Variants in TMEM131 observed in about 807,000 individuals in gnomAD.
TMEM131 encodes the protein transmembrane protein 131, also known as 2610524E03Rik.
TMEM131 carries 66 observed loss-of-function variants against 211.6 expected under a neutral mutation model. That is an observed-to-expected ratio of 0.31 (90% CI 0.26 to 0.38). The LOEUF (loss-of-function observed/expected upper bound fraction) is 0.38. Ranked by LOEUF, TMEM131 falls within the 10% of genes least tolerant of loss-of-function variation. The probability of loss-of-function intolerance (pLI) is 1.00; values close to 1 mark genes in which losing one functional copy is unlikely to be tolerated. For missense variants in TMEM131, 2,036 were observed against 2,299.3 expected (o/e 0.89, Z 2.34); for synonymous variants, 844 against 841.3 (o/e 1.00, Z -0.06).
intron 7 of TMEM131, among the ~76,000 whole-genome samples, chr2:97,837,715 C>G (rs1246478655): frequency 6.6e-6 from 1 of 152,110 alleles, no homozygotes; most frequent in Non-Finnish European, 1.5e-5. Flanking sequence ...TTTTTTTAAA[C>G]AGCTTTATTG....
chr2:97,929,474 C>T (rs1677127485), intron 1 of TMEM131, among the ~76,000 whole-genome samples: 1 of 151,776 alleles, frequency 6.6e-6, no homozygotes, highest in Non-Finnish European at 1.5e-5. Context: ...TCAGGGAAGA[C>T]ACTCACTGTC....
chr2:97,803,929 T>C (rs768432999), intron 22 of TMEM131, among the ~76,000 whole-genome samples: 2 of 152,244 alleles, frequency 1.3e-5, no homozygotes, highest in Non-Finnish European at 2.9e-5. Flanking sequence ...ATTAGTGTTC[T>C]CTTAGCAAGT....
intron 35 of TMEM131, chr2:97,763,892 C>T (rs1460690050): frequency 6.6e-6 from 1 of 152,286 alleles, no homozygotes; most frequent in African/African-American, 2.4e-5. Flanking sequence ...CCCTACTGAA[C>T]AGTGCTTGAG....
chr2:97,845,815 T>C (rs1024852560), intron 5 of TMEM131, among the ~76,000 whole-genome samples: 4 of 139,646 alleles, frequency 2.9e-5, no homozygotes, highest in Admixed American at 2.8e-4. Flanking sequence ...GTCCATAAAA[T>C]GGATAAAACT....
intron 1 of TMEM131, among the ~76,000 whole-genome samples, chr2:97,978,549 T>A (rs1679647205): frequency 6.6e-6 from 1 of 152,148 alleles, no homozygotes; most frequent in Non-Finnish European, 1.5e-5. Flanking sequence ...CACACCTAGC[T>A]AATTTTTGTA....
chr2:97,966,289 G>A (rs978406083), intron 1 of TMEM131, among the ~76,000 whole-genome samples: 4 of 151,768 alleles, frequency 2.6e-5, no homozygotes, highest in Non-Finnish European at 5.9e-5. Context: ...AAATCTTTCC[G>A]GGTGGTTAAC....
intron 5 of TMEM131, among the ~76,000 whole-genome samples, chr2:97,852,507 ACT>A (rs1392611328): frequency 6.6e-6 from 1 of 152,126 alleles, no homozygotes; most frequent in East Asian, 1.9e-4. Context: ...CAAGGCCCTG[ACT>A]CTCTTTAATT....
intron 24 of TMEM131, 73 bp from the exon 25 acceptor site, chr2:97,802,034 G>T: frequency 2.0e-6 from 2 of 1,005,016 alleles, no homozygotes; most frequent in Non-Finnish European, 3.0e-6. Context: ...GTGATTATCA[G>T]GTGTGTGCTT....
chr2:97,992,214 AG>A (rs1680298408), intron 1 of TMEM131, among the ~76,000 whole-genome samples: 1 of 152,244 alleles, frequency 6.6e-6, no homozygotes, highest in African/African-American at 2.4e-5. Flanking sequence ...AGTTTGGTTA[AG>A]AAAAAGTAAA....
intron 32 of TMEM131, among the ~76,000 whole-genome samples, chr2:97,773,322 G>A (rs1679555540): frequency 6.6e-6 from 1 of 152,182 alleles, no homozygotes; most frequent in Admixed American, 6.5e-5. Flanking sequence ...TTACCAAGAG[G>A]GCCCAGTTTC....
At chr2:97,926,742 C>G (rs958454347) in intron 2 of TMEM131, among the ~76,000 whole-genome samples, 2 of 152,174 alleles carry the variant, frequency 1.3e-5, no homozygotes, top group Non-Finnish European at 2.9e-5. Flanking sequence ...CATCTAGATA[C>G]AAATTAGCAG....
chr2:97,810,908 T>C (rs1681518031), intron 18 of TMEM131, among the ~76,000 whole-genome samples: 1 of 152,234 alleles, frequency 6.6e-6, no homozygotes, highest in African/African-American at 2.4e-5. Context: ...GGCATTCTTC[T>C]GAAGTTGCTT....
At chr2:97,811,932 C>A (rs1233095397) in intron 17 of TMEM131, among the ~76,000 whole-genome samples, 1 of 152,178 alleles carries the variant, frequency 6.6e-6, no homozygotes, top group East Asian at 1.9e-4. Context: ...CGCTCTCTGA[C>A]AACCAACTGT....
chr2:97,834,996 T>C, intron 8 of TMEM131, 71 bp from the exon 9 acceptor site: 1 of 1,516,614 alleles, frequency 6.6e-7, no homozygotes, highest in South Asian at 1.2e-5. Context: ...TTTATTGAAC[T>C]GGATGACACT....
chr2:97,962,286 AAGGTC>A (rs1678853061), intron 1 of TMEM131, among the ~76,000 whole-genome samples: 1 of 152,120 alleles, frequency 6.6e-6, no homozygotes, highest in Non-Finnish European at 1.5e-5. Context: ...GGTGGATCAC[AAGGTC>A]AGGAGATTGA....
chr2:97,976,960 C>CAAAAAAAA (rs34708023), intron 1 of TMEM131, among the ~76,000 whole-genome samples: 1 of 112,186 alleles, frequency 8.9e-6, no homozygotes, highest in African/African-American at 3.4e-5. Context: ...TATTTATATG[C>CAAAAAAAA]AAAAAAAAAA....
At chr2:97,990,260 ATTAC>A (rs1680204131) in intron 1 of TMEM131, among the ~76,000 whole-genome samples, 2 of 152,120 alleles carry the variant, frequency 1.3e-5, no homozygotes, top group Admixed American at 1.3e-4. Context: ...ATGGCCTGTG[ATTAC>A]TTAAACTGTT....
intron 31 of TMEM131, among the ~76,000 whole-genome samples, chr2:97,784,478 T>C (rs1200294286): frequency 6.6e-6 from 1 of 152,032 alleles, no homozygotes; most frequent in Non-Finnish European, 1.5e-5. Flanking sequence ...CTTGGAAGAC[T>C]GGAAACTAAG....
chr2:97,863,222 A>G (rs899805534), intron 4 of TMEM131, among the ~76,000 whole-genome samples: 1 of 152,244 alleles, frequency 6.6e-6, no homozygotes, highest in Non-Finnish European at 1.5e-5. Context: ...CAGACAAACA[A>G]AAGCTGAGGG....
Sources: gnomAD v4.1 joint callset for allele counts (sites outside exome capture counted in the v4.1 genomes callset) on GRCh38, gnomAD v4.1.1 for gene constraint, MANE v1.5 for transcripts, NCBI Gene and HGNC (gene_info 2026-07-23, HGNC 2026-07-21) for gene names.